The following PPP4R3B variants were observed in gnomAD, a reference collection of about 807,000 sequenced individuals.
The protein encoded by PPP4R3B is protein phosphatase 4 regulatory subunit 3B.
Under a neutral mutation model 95.4 loss-of-function variants are expected in PPP4R3B, and 52 were observed. The ratio of observed to expected loss-of-function variants is 0.54; its 90% CI spans 0.44 to 0.69. The LOEUF (loss-of-function observed/expected upper bound fraction) is 0.69, where lower values mean the gene tolerates loss of function less well. PPP4R3B is among the 30% of genes least tolerant of loss of function. PPP4R3B has a pLI of 0.00. For synonymous variants in PPP4R3B, 407 were observed against 343.9 expected, an observed-to-expected ratio of 1.18 and a Z score of -2.03; for missense variants, 1,003 against 1,005.9, an observed-to-expected ratio of 1.00 and a Z score of 0.04.
At chr2:55,576,978 A>C (rs1420854126) in intron 11 of PPP4R3B, among the ~76,000 whole-genome samples, 2 of 152,194 alleles carry the variant, frequency 1.3e-5, no homozygotes, top group Non-Finnish European at 2.9e-5. Context: ...AGATTCATGA[A>C]CAATAACCAT....
chr2:55,573,093 A>C (rs1316138598), intron 12 of PPP4R3B, among the ~76,000 whole-genome samples: 3 of 152,220 alleles, frequency 2.0e-5, no homozygotes, highest in Non-Finnish European at 4.4e-5. Flanking sequence ...CATAAAAATA[A>C]AGATTAGGGA....
rs559846808 is a variant in PPP4R3B at position 55,607,063 on chromosome 2, A to T, written c.199-2987T>A. 6.6e-5 allele frequency among the ~76,000 whole-genome samples: 10 copies of T among 152,330 alleles called. No individual in the cohort carries two copies. The South Asian group carries it at 2.1e-3, about 32-fold the overall frequency. ...GAGTTAGGATAGTTTAAGTTACAAA[A>T]TATTTGCAGTTATCTCCACATATAG... On this transcript the variant is annotated intron_variant, in intron 2 of 16. Coordinates refer to ENST00000616407, the MANE Select transcript of PPP4R3B (RefSeq NM_001122964.3).
Position 55,564,482 on chromosome 2 carries a change from CAATATAGATGGTACACTGTAAGAA to C in PPP4R3B, c.2076-9_2090del. 1 of 1,608,910 alleles carries C rather than the reference CAATATAGATGGTACACTGTAAGAA, an allele frequency of 6.2e-7. No homozygotes were observed. ...CATCTCTGCGAAATCTGTTACTACG[CAATATAGATGGTACACTGTAAGAA>C]ATATATCACAAATATTGAGTAATGA... On this transcript the variant is annotated splice_acceptor_variant and splice_polypyrimidine_tract_variant and coding_sequence_variant and intron_variant, in exon 15 of 17. Coordinates refer to ENST00000616407, the MANE Select transcript of PPP4R3B (RefSeq NM_001122964.3). LOFTEE classifies it high-confidence loss of function.
At position 55,566,967 on chromosome 2, in the gene PPP4R3B, A is replaced by G. The variant is rs543593027; in HGVS notation, c.1935+1227T>C. On this transcript the variant is annotated intron_variant, in intron 13 of 16. Coordinates refer to ENST00000616407, the MANE Select transcript of PPP4R3B (RefSeq NM_001122964.3). ...GGCTGCAGTGAACTGTGATTACATT[A>G]TTGTACTCCAGCTTGGGCAACAGCA... Among the ~76,000 whole-genome samples the G allele has an allele frequency of 2.0e-5, 3 of 152,346 alleles. No homozygotes were observed. In the South Asian group the frequency reaches 6.2e-4, roughly 32 times the overall value.
At position 55,581,167 on chromosome 2, in the gene PPP4R3B, C is replaced by T. The variant is rs1283083108; in HGVS notation, c.1365+400G>A. 4.6e-5 allele frequency among the ~76,000 whole-genome samples: 7 copies of T among 152,068 alleles called. No individual in the cohort carries two copies. In the East Asian group the frequency reaches 5.8e-4, roughly 13 times the overall value. On this transcript the variant is annotated intron_variant, in intron 8 of 16. Coordinates refer to ENST00000616407, the MANE Select transcript of PPP4R3B (RefSeq NM_001122964.3). The stretch of plus-strand genomic sequence containing the variant: ...ACTTGGGAGGCTGAGGCAGGAGAAT[C>T]GCTTGAACCCGAGAGGCGGAGGTTG...
chr2:55,576,025 C>CAA (rs201545385), intron 11 of PPP4R3B, among the ~76,000 whole-genome samples: 3,878 of 152,140 alleles, frequency 0.025, 162 homozygotes, highest in African/African-American at 0.089. Flanking sequence ...GTACCACAGC[C>CAA]AAAATTTGAA....
In PPP4R3B at chr2:55,568,193, C is replaced by T; in HGVS notation, c.1935+1G>A. 6.5e-7 allele frequency: 1 copy of T among 1,528,610 alleles called. No homozygotes were observed. The highest frequency in any genetic ancestry group is 8.8e-7 in the Non-Finnish European group (1 of 1,139,998). 94.7% of individuals were successfully genotyped at this position (1,528,610 alleles called of 1,614,324 possible). A position where few individuals can be genotyped will look rare whatever the true frequency, so the allele number is the denominator to read the frequency against. On this transcript the variant is annotated splice_donor_variant, in intron 13 of 16. Transcript: ENST00000616407. LOFTEE classifies it high-confidence loss of function. The stretch of plus-strand genomic sequence containing the variant: ...ATAACAGCTGTTTTATATAAACTTA[C>T]CACTCTTATAAATTCAAACAACTCA...
At chr2:55,591,670 C>T (rs764230249) in intron 4 of PPP4R3B, 48 of 984,270 alleles carry the variant, frequency 4.9e-5, no homozygotes, top group African/African-American at 8.7e-5. Flanking sequence ...TTATATGATT[C>T]GGTACTTGTG....
chr2:55,605,904 C>CAAAAAAA (rs35675375), intron 2 of PPP4R3B, among the ~76,000 whole-genome samples: 2 of 86,434 alleles, frequency 2.3e-5, no homozygotes, highest in Non-Finnish European at 2.5e-5. Flanking sequence ...GACTCCGTCT[C>CAAAAAAA]AAAAAAAAAA....
Position 55,581,686 on chromosome 2 carries a change from TAAG to T in PPP4R3B, c.1243_1245del (p.Leu415del), listed in dbSNP as rs781656640. The T allele has an allele frequency of 3.3e-5, 53 of 1,612,390 alleles. No homozygotes were observed. Among genetic ancestry groups the T allele is most frequent in the Non-Finnish European group, 4.0e-5 (47 of 1,179,480 alleles). The stretch of plus-strand genomic sequence containing the variant: ...ATCATTTGTTCAATTACCACATTAA[TAAG>T]AAGAATATCCTGGTGGCAAAACAAA... On this transcript the variant is annotated inframe_deletion, in exon 8 of 17. Coordinates refer to ENST00000616407, the MANE Select transcript of PPP4R3B (RefSeq NM_001122964.3).
intron 6 of PPP4R3B, among the ~76,000 whole-genome samples, chr2:55,586,148 T>A (rs1690111586): frequency 1.3e-5 from 2 of 152,236 alleles, no homozygotes; most frequent in African/African-American, 4.8e-5. Flanking sequence ...AAAAGTTCTA[T>A]TATTTATGTT....
intron 16 of PPP4R3B, among the ~76,000 whole-genome samples, chr2:55,553,720 G>A (rs998018330): frequency 2.6e-5 from 4 of 151,902 alleles, no homozygotes; most frequent in Admixed American, 1.3e-4. Context: ...GGTCTTTTGT[G>A]ACTGGTTTAC....
At chr2:55,568,454 C>T in intron 12 of PPP4R3B, 91 bp from the exon 13 acceptor site, 3 of 1,023,302 alleles carry the variant, frequency 2.9e-6, no homozygotes, top group South Asian at 5.0e-5. Context: ...AATGTATATG[C>T]TCTTCTAAAA....
At chr2:55,581,121 T>C (rs1330872591) in intron 8 of PPP4R3B, among the ~76,000 whole-genome samples, 1 of 151,976 alleles carries the variant, frequency 6.6e-6, no homozygotes, top group African/African-American at 2.4e-5. Flanking sequence ...GGTGTGGTGG[T>C]GTGCGTCTGT....
chr2:55,550,443 T>C lies in PPP4R3B; in HGVS notation c.2455-437A>G, dbSNP rs752799448. Among the ~76,000 whole-genome samples the C allele has an allele frequency of 4.6e-5, 7 of 152,364 alleles. No homozygotes were observed. The East Asian group carries it at 1.2e-3, about 25-fold the overall frequency. On this transcript the variant is annotated intron_variant, in intron 16 of 16. Coordinates refer to ENST00000616407, the MANE Select transcript of PPP4R3B (RefSeq NM_001122964.3). ...CATCACTAAGTACACATTATTTTCA[T>C]TGTGCTTTTGAAGTACAGCTTAAAT...
chr2:55,586,622 A>G lies in PPP4R3B; in HGVS notation c.1112T>C (p.Val371Ala). The G allele has an allele frequency of 6.3e-7, 1 of 1,582,764 alleles. No homozygotes were observed. Among genetic ancestry groups the G allele is most frequent in the Non-Finnish European group, 8.6e-7 (1 of 1,157,448 alleles). ...KLGILPALEI[V>A]MGMDDLQVRS... ...GAAAAGAAACGGCATAATTACCATT[A>G]CAATTTCAAGAGCAGGAAGAATTCC... Residue 371 changes from valine to alanine, a missense_variant, in exon 6 of 17, where the codon GTA becomes GCA. Transcript: ENST00000616407.
chr2:55,568,450 T>C (rs969725806), intron 12 of PPP4R3B, 87 bp from the exon 13 acceptor site: 125 of 1,039,706 alleles, frequency 1.2e-4, no homozygotes, highest in Non-Finnish European at 1.6e-4. Context: ...AAGCAATGTA[T>C]ATGCTCTTCT....
chr2:55,559,114 G>A, intron 15 of PPP4R3B, 146 bp from the exon 16 acceptor site: 1 of 594,838 alleles, frequency 1.7e-6, no homozygotes. Context: ...TTGGGAGGCT[G>A]AGGCAGGCAG....
chr2:55,614,935 G>T (rs540385927), intron 2 of PPP4R3B: 1 of 151,972 alleles, frequency 6.6e-6, no homozygotes, highest in Non-Finnish European at 1.5e-5. Context: ...AATATTAACA[G>T]AAGATGTTAC....
Sources: gnomAD v4.1 joint callset for allele counts (sites outside exome capture counted in the v4.1 genomes callset) on GRCh38, gnomAD v4.1.1 for gene constraint, MANE v1.5 for transcripts, NCBI Gene and HGNC (gene_info 2026-07-23, HGNC 2026-07-21) for gene names.